The following DAB1 variants were observed in gnomAD, a reference collection of about 807,000 sequenced individuals.
The protein encoded by DAB1 is DAB adaptor protein 1.
DAB1 carries 15 observed loss-of-function variants against 64.6 expected under a neutral mutation model. The ratio of observed to expected loss-of-function variants is 0.23; its 90% confidence interval spans 0.16 to 0.36. DAB1 has a LOEUF of 0.36. DAB1 is among the 10% of genes least tolerant of loss of function. The pLI is 1.00. For synonymous variants in DAB1, 235 were observed against 251.9 expected (o/e 0.93, Z 0.64); for missense variants, 596 against 706.7 (o/e 0.84, Z 1.78).
At chr1:58,058,588 T>G (rs1335458155) in intron 5 of DAB1, among the ~76,000 whole-genome samples, 1 of 152,108 alleles carries the variant, frequency 6.6e-6, no homozygotes, top group African/African-American at 2.4e-5. Context: ...GGGGGCTTCA[T>G]CACTCATAGC....
chr1:57,253,976 T>G (rs1669569885), intron 2 of DAB1, among the ~76,000 whole-genome samples: 1 of 152,210 alleles, frequency 6.6e-6, no homozygotes, highest in Non-Finnish European at 1.5e-5. Context: ...TCCAGCAAAT[T>G]GCCAATTTAT....
At chr1:57,668,489 C>A (rs796243505) in intron 6 of DAB1, among the ~76,000 whole-genome samples, 1 of 152,006 alleles carries the variant, frequency 6.6e-6, no homozygotes, top group Non-Finnish European at 1.5e-5. Flanking sequence ...TGAAGGAAGG[C>A]ATAATTTCGA....
chr1:57,645,942 A>G (rs961399849), intron 7 of DAB1, among the ~76,000 whole-genome samples: 1 of 152,226 alleles, frequency 6.6e-6, no homozygotes, highest in Non-Finnish European at 1.5e-5. Context: ...GTGTGATTCT[A>G]TAAGAATGAA....
rs1033202299 is a variant in DAB1, at chr1:58,216,167, C to T, written n.310-65579G>A. On this transcript the variant is annotated intron_variant and non_coding_transcript_variant, in intron 4 of 20. Coordinates refer to the DAB1 transcript ENST00000485760. ...TCTACATTAGGTATTTCTCCCAATG[C>T]TATCCCTCCCTTAGCCCCCACCCCC... is the stretch of plus-strand genomic sequence containing the variant. 3.3e-5 allele frequency among the ~76,000 whole-genome samples: 5 copies of T among 152,124 alleles called. No individual in the cohort carries two copies. The East Asian group carries it at 7.7e-4, about 23-fold the overall frequency.
At chr1:57,661,023 A>T (rs1646380181) in intron 6 of DAB1, among the ~76,000 whole-genome samples, 1 of 152,230 alleles carries the variant, frequency 6.6e-6, no homozygotes, top group African/African-American at 2.4e-5. Flanking sequence ...CGAATAATTC[A>T]ACTCAAGTAA....
intron 4 of DAB1, among the ~76,000 whole-genome samples, chr1:58,212,147 C>T (rs890750085): frequency 6.6e-6 from 1 of 152,156 alleles, no homozygotes; most frequent in African/African-American, 2.4e-5. Context: ...TGTATTCTCC[C>T]TGGGCCAGTT....
At chr1:58,504,408 C>G (rs1381935418) in intron 3 of DAB1, among the ~76,000 whole-genome samples, 1 of 152,182 alleles carries the variant, frequency 6.6e-6, no homozygotes, top group African/African-American at 2.4e-5. Context: ...GACTTGCTCC[C>G]GTGCTTCCTT....
chr1:57,092,502 C>T (rs1391995935), intron 4 of DAB1, among the ~76,000 whole-genome samples: 3 of 152,080 alleles, frequency 2.0e-5, no homozygotes, highest in African/African-American at 7.2e-5. Flanking sequence ...TCTCTCTTTC[C>T]TGCCACCTTG....
rs140693170 is a variant in DAB1, at chr1:57,985,572, T to A, written n.388-101410A>T. ...TCAAAGGAATAGGTGAATAAATAAC[T>A]GGTGTAAGGAGTCAAGGAGAGAAAA... On this transcript the variant is annotated intron_variant and non_coding_transcript_variant, in intron 5 of 20. Transcript: ENST00000485760. Among the ~76,000 whole-genome samples, 1,329 of 152,090 alleles carry A rather than the reference T, an allele frequency of 8.7e-3. 16 individuals are homozygous for A. The highest frequency in any genetic ancestry group is 0.03 in the African/African-American group (1,260 of 41,486).
At chr1:57,928,214 G>T (rs757629557) in intron 5 of DAB1, among the ~76,000 whole-genome samples, 9 of 152,000 alleles carry the variant, frequency 5.9e-5, no homozygotes, top group Admixed American at 6.6e-5. Context: ...AGCCCAAAAA[G>T]TTCCTCAAGC....
chr1:57,518,151 A>G (rs1382033288), intron 7 of DAB1, among the ~76,000 whole-genome samples: 1 of 152,324 alleles, frequency 6.6e-6, no homozygotes, highest in East Asian at 1.9e-4. Flanking sequence ...TGAATATAGC[A>G]ATCTGAATCC....
intron 3 of DAB1, among the ~76,000 whole-genome samples, chr1:58,439,601 C>T (rs987262331): frequency 6.6e-6 from 1 of 152,196 alleles, no homozygotes; most frequent in Non-Finnish European, 1.5e-5. Flanking sequence ...CAGCATTTTA[C>T]ATGCTATTTA....
chr1:58,473,791 C>A (rs951542689), intron 3 of DAB1: 3 of 551,946 alleles, frequency 5.4e-6, no homozygotes, highest in African/African-American at 3.8e-5. Flanking sequence ...GACCCAAGAA[C>A]GCTCTGCAGA....
At chr1:57,713,894 G>A (rs1037678704) in intron 6 of DAB1, among the ~76,000 whole-genome samples, 1 of 151,970 alleles carries the variant, frequency 6.6e-6, no homozygotes, top group East Asian at 1.9e-4. Context: ...ACTGACAGGG[G>A]AAATGTTTCT....
chr1:57,033,679 C>A, intron 9 of DAB1: 1 of 1,123,766 alleles, frequency 8.9e-7, no homozygotes, highest in Admixed American at 2.0e-5. Flanking sequence ...CTTCCGTGGT[C>A]TCAGTAGGCG....
At chr1:57,937,226 G>A (rs1356455704) in intron 5 of DAB1, among the ~76,000 whole-genome samples, 1 of 152,076 alleles carries the variant, frequency 6.6e-6, no homozygotes, top group African/African-American at 2.4e-5. Context: ...GGTGAGCCAA[G>A]GAGGGAAGGG....
chr1:58,367,280 A>G (rs1192964711), intron 3 of DAB1, among the ~76,000 whole-genome samples: 1 of 152,210 alleles, frequency 6.6e-6, no homozygotes, highest in Non-Finnish European at 1.5e-5. Flanking sequence ...GCACAATAGC[A>G]CTACTTACTT....
intron 7 of DAB1, among the ~76,000 whole-genome samples, chr1:57,454,995 G>A (rs559991307): frequency 9.9e-5 from 15 of 152,254 alleles, no homozygotes; most frequent in Admixed American, 9.8e-4. Context: ...ACAAAGGAGA[G>A]AGGGCAACTT....
intron 5 of DAB1, among the ~76,000 whole-genome samples, chr1:58,054,993 A>C (rs1647967050): frequency 6.6e-6 from 1 of 152,226 alleles, no homozygotes. Flanking sequence ...TAAGCAATAC[A>C]AACATTATCT....
Sources: allele counts gnomAD v4.1 joint callset (sites outside exome capture counted in the v4.1 genomes callset), GRCh38; gene constraint gnomAD v4.1.1; transcripts MANE v1.5; gene names NCBI Gene and HGNC (gene_info 2026-07-23, HGNC 2026-07-21).